The following CREB5 variants were observed in gnomAD, a reference collection of about 807,000 sequenced individuals.
CREB5 encodes the protein cyclic AMP-responsive element-binding protein 5.
CREB5 carries 19 observed loss-of-function variants against 57.1 expected under a neutral mutation model. The observed-to-expected ratio is 0.33, with a 90% CI of 0.23 to 0.49. The LOEUF is 0.49. CREB5 is among the 20% of genes least tolerant of loss of function. The pLI, the probability that CREB5 is intolerant of heterozygous loss-of-function variation, is 0.99. For missense variants in CREB5, 579 were observed against 671.6 expected (o/e 0.86, Z 1.52); for synonymous variants, 238 against 238.3 (o/e 1.00, Z 0.01).
At chr7:28,777,184 A>G (rs1251195139) in intron 7 of CREB5, among the ~76,000 whole-genome samples, 2 of 152,222 alleles carry the variant, frequency 1.3e-5, no homozygotes, top group Admixed American at 6.5e-5. Flanking sequence ...TCAACACCCC[A>G]AAGACATTTC....
intron 1 of CREB5, among the ~76,000 whole-genome samples, chr7:28,390,562 T>A (rs550329927): frequency 4.1e-4 from 63 of 152,326 alleles, no homozygotes; most frequent in African/African-American, 1.4e-3. Flanking sequence ...CCTTTATTAC[T>A]TTTAACCGTG....
upstream of CREB5, chr7:28,409,731 G>C: frequency 2.9e-6 from 1 of 341,458 alleles, no homozygotes. The surrounding 1 kb of genome is among the most constrained non-coding windows in gnomAD (Gnocchi z 4.4). Flanking sequence ...GAGACCCCGC[G>C]CCGCGTGAGT....
chr7:28,391,951 C>G (rs1249473340), intron 1 of CREB5, among the ~76,000 whole-genome samples: 2 of 152,076 alleles, frequency 1.3e-5, no homozygotes, highest in African/African-American at 4.8e-5. Context: ...GGAATTTTTT[C>G]ACAAAATCCT....
intron 1 of CREB5, among the ~76,000 whole-genome samples, chr7:28,471,016 A>C (rs568549599): frequency 6.6e-6 from 1 of 152,196 alleles, no homozygotes; most frequent in African/African-American, 2.4e-5. Context: ...ATTTTCTCCT[A>C]TCCTTGGATT....
At chr7:28,311,256 C>G (rs938073081) in intron 1 of CREB5, among the ~76,000 whole-genome samples, 1 of 152,132 alleles carries the variant, frequency 6.6e-6, no homozygotes, top group South Asian at 2.1e-4. Flanking sequence ...CCAGTCACCT[C>G]TGGGTTGGCT....
intron 4 of CREB5, among the ~76,000 whole-genome samples, chr7:28,538,076 CAG>C (rs200198706): frequency 0.039 from 5,887 of 152,112 alleles, 184 homozygotes; most frequent in South Asian, 0.11. Flanking sequence ...TTGTTTGAGA[CAG>C]AGTCTCCCTC....
chr7:28,824,294 G>A lies in CREB5; in HGVS notation c.*5015G>A, dbSNP rs1014256690. 1 of 152,636 alleles carries A rather than the reference G, an allele frequency of 6.6e-6. No individual in the cohort carries two copies. The allele number at this position is 152,636 out of a possible 1,614,324, so 9.5% of individuals were successfully genotyped here. A position where few individuals can be genotyped will look rare whatever the true frequency, so the allele number is the denominator to read the frequency against. On this transcript the variant is annotated 3_prime_UTR_variant, in exon 11 of 11. Transcript: ENST00000357727. ...TATATTATGCAACAGATGTGAGGCA[G>A]CAGCTAAGCTATACTTAAGAATTTT...
At chr7:28,379,009 A>G (rs563921885) in intron 1 of CREB5, among the ~76,000 whole-genome samples, 3 of 152,328 alleles carry the variant, frequency 2.0e-5, no homozygotes, top group Admixed American at 2.0e-4. Context: ...TGTCCTTAAA[A>G]TAGTTAAGTC....
intron 3 of CREB5, among the ~76,000 whole-genome samples, chr7:28,505,358 G>T (rs1392819244): frequency 6.6e-6 from 1 of 152,116 alleles, no homozygotes; most frequent in Non-Finnish European, 1.5e-5. Context: ...ACTTCCAGCT[G>T]TTACTTATGT....
chr7:28,767,074 C>T (rs1806046276), intron 7 of CREB5, among the ~76,000 whole-genome samples: 1 of 152,172 alleles, frequency 6.6e-6, no homozygotes, highest in African/African-American at 2.4e-5. Context: ...TTTTAAACTG[C>T]ATACTAGGGG....
intron 2 of CREB5, among the ~76,000 whole-genome samples, chr7:28,488,812 A>G (rs1305003188): frequency 6.6e-6 from 1 of 152,326 alleles, no homozygotes; most frequent in African/African-American, 2.4e-5. Flanking sequence ...GCTTCCATCA[A>G]GTGGAATTAG....
At chr7:28,621,926 C>T (rs1477654847) in intron 5 of CREB5, among the ~76,000 whole-genome samples, 1 of 152,130 alleles carries the variant, frequency 6.6e-6, no homozygotes, top group East Asian at 1.9e-4. Flanking sequence ...ATGGAAAAGA[C>T]TCACCCAAAC....
At chr7:28,394,730 A>G (rs1474703330) in intron 1 of CREB5, among the ~76,000 whole-genome samples, 3 of 152,294 alleles carry the variant, frequency 2.0e-5, no homozygotes, top group Non-Finnish European at 4.4e-5. Context: ...AGTGATATGC[A>G]TGCCTGTTGA....
Position 28,560,911 on chromosome 7 carries a change from TGTGCGTGTGTGCGC to T in CREB5, c.292-9440_292-9427del, listed in dbSNP as rs1217281157. The stretch of plus-strand genomic sequence containing the variant: ...GCGTGTGTGTGCGTGCGCGCGTGCG[TGTGCGTGTGTGCGC>T]GTGCGTGTGTGCGTGCGTGTGTGTG... On this transcript the variant is annotated intron_variant, in intron 4 of 10. Coordinates refer to ENST00000357727, the MANE Select transcript of CREB5 (RefSeq NM_182898.4). 1.9e-4 allele frequency among the ~76,000 whole-genome samples: 7 copies of T among 36,056 alleles called. 2 individuals are homozygous for T. The highest frequency in any genetic ancestry group is 3.1e-4 in the African/African-American group (2 of 6,510). 23.7% of individuals were successfully genotyped at this position (36,056 alleles called of 152,430 possible).
chr7:28,348,408 T>TCTCTCACACACACA (rs1376338798), intron 1 of CREB5, among the ~76,000 whole-genome samples: 4,479 of 118,044 alleles, frequency 0.038, 241 homozygotes, highest in African/African-American at 0.13. Flanking sequence ...TCTCTCTCTC[T>TCTCTCACACACACA]CACACACACA....
intron 1 of CREB5, among the ~76,000 whole-genome samples, chr7:28,426,658 C>T (rs1209902672): frequency 3.3e-5 from 5 of 152,210 alleles, no homozygotes; most frequent in African/African-American, 1.2e-4. Context: ...GTCATCATCT[C>T]CTGATCTGCA....
At chr7:28,592,489 T>C (rs1039166019) in intron 5 of CREB5, among the ~76,000 whole-genome samples, 2 of 152,096 alleles carry the variant, frequency 1.3e-5, no homozygotes, top group Non-Finnish European at 2.9e-5. Context: ...CTTGAAGGGA[T>C]TTTGGATGAG....
chr7:28,544,677 G>A (rs1794348332), intron 4 of CREB5, among the ~76,000 whole-genome samples: 1 of 152,130 alleles, frequency 6.6e-6, no homozygotes, highest in South Asian at 2.1e-4. Context: ...ACAGGATAAT[G>A]CCCAGGCTCG....
intron 5 of CREB5, among the ~76,000 whole-genome samples, chr7:28,636,842 C>A (rs1001960901): frequency 2.6e-5 from 4 of 152,138 alleles, no homozygotes; most frequent in African/African-American, 9.7e-5. Flanking sequence ...CTCACTCCTG[C>A]AGCTAGAGCT....
Sources: gnomAD v4.1 joint callset for allele counts (sites outside exome capture counted in the v4.1 genomes callset) on GRCh38, gnomAD v4.1.1 for gene constraint, Gnocchi (gnomAD v3.1) non-coding constraint, MANE v1.5 for transcripts, NCBI Gene and HGNC (gene_info 2026-07-23, HGNC 2026-07-21) for gene names.